AP4S1: variants seen among roughly 807,000 people sequenced by gnomAD.
AP4S1 encodes the protein adaptor related protein complex 4 subunit sigma 1.
Under a neutral mutation model 19.8 loss-of-function variants are expected in AP4S1, and 23 were observed. The observed-to-expected ratio is 1.16, with a 90% confidence interval of 0.84 to 1.65. The LOEUF (loss-of-function observed/expected upper bound fraction) is 1.65. Ranked by LOEUF, AP4S1 falls within the 40% of genes most tolerant of loss-of-function variation. The pLI is 0.00. For synonymous variants in AP4S1, 46 were observed against 54.1 expected (o/e 0.85, Z 0.66); for missense variants, 166 against 172.8 (o/e 0.96, Z 0.22).
At chr14:31,068,779 A>G (rs1460606629) in intron 2 of AP4S1, among the ~76,000 whole-genome samples, 1 of 152,092 alleles carries the variant, frequency 6.6e-6, no homozygotes, top group Non-Finnish European at 1.5e-5. Context: ...GCATAATAGC[A>G]GCTTAGTTTT....
At chr14:31,076,938 T>C (rs775932227) in intron 4 of AP4S1, among the ~76,000 whole-genome samples, 4 of 152,348 alleles carry the variant, frequency 2.6e-5, no homozygotes, top group Non-Finnish European at 5.9e-5. Context: ...CTTTTTATTT[T>C]TATTTTTTTT....
At chr14:31,065,069 C>T (rs908287830) in intron 1 of AP4S1, among the ~76,000 whole-genome samples, 1 of 152,164 alleles carries the variant, frequency 6.6e-6, no homozygotes, top group Non-Finnish European at 1.5e-5. Flanking sequence ...ATTGATATCA[C>T]TACTATTATT....
chr14:31,066,748 G>C (rs1224715212), intron 2 of AP4S1, among the ~76,000 whole-genome samples: 1 of 151,894 alleles, frequency 6.6e-6, no homozygotes, highest in Non-Finnish European at 1.5e-5. Context: ...GAATACTGAA[G>C]ACCCATTTTG....
At chr14:31,056,760 C>G (rs1886142594) in intron 1 of AP4S1, among the ~76,000 whole-genome samples, 1 of 152,186 alleles carries the variant, frequency 6.6e-6, no homozygotes, top group Admixed American at 6.5e-5. Flanking sequence ...TCCAAAGCTA[C>G]CTGAAGTTAA....
At chr14:31,074,541 G>T (rs1317967512) in intron 4 of AP4S1, among the ~76,000 whole-genome samples, 3 of 151,968 alleles carry the variant, frequency 2.0e-5, no homozygotes, top group Non-Finnish European at 4.4e-5. Context: ...AATTAGCCAG[G>T]CATGGTGGCG....
At chr14:31,077,131 T>C (rs1462317517) in intron 4 of AP4S1, among the ~76,000 whole-genome samples, 1 of 152,110 alleles carries the variant, frequency 6.6e-6, no homozygotes, top group Non-Finnish European at 1.5e-5. Context: ...GGTTTCTACT[T>C]TTTCCATGTT....
At chr14:31,066,949 T>C (rs1886750066) in intron 2 of AP4S1, among the ~76,000 whole-genome samples, 1 of 152,230 alleles carries the variant, frequency 6.6e-6, no homozygotes, top group Non-Finnish European at 1.5e-5. Flanking sequence ...AAAATGGAGG[T>C]TAAGGCTGGG....
intron 5 of AP4S1, among the ~76,000 whole-genome samples, chr14:31,088,939 C>T (rs137907734): frequency 6.5e-4 from 99 of 151,940 alleles, no homozygotes; most frequent in Non-Finnish European, 9.9e-4. Flanking sequence ...GGCAAAGTGC[C>T]GCACTTCAGC....
chr14:31,067,604 C>T (rs1886793431), intron 2 of AP4S1, among the ~76,000 whole-genome samples: 1 of 151,498 alleles, frequency 6.6e-6, no homozygotes. Flanking sequence ...AACCAACCTC[C>T]ACTTCCCGGG....
At chr14:31,085,840 CTG>C (rs1887899401) in intron 5 of AP4S1, 1 of 984,420 alleles carries the variant, frequency 1.0e-6, no homozygotes, top group African/African-American at 1.7e-5. Flanking sequence ...ATCTCAAAGA[CTG>C]AGCAGTTGAT....
At chr14:31,072,859 G>T in intron 3 of AP4S1, 46 bp from the exon 4 acceptor site, 3 of 1,500,626 alleles carry the variant, frequency 2.0e-6, no homozygotes, top group Non-Finnish European at 1.9e-6. Context: ...TGGTTTACAT[G>T]GGAAGCGACA....
intron 5 of AP4S1, chr14:31,083,423 T>C (rs1355415644): frequency 2.2e-6 from 1 of 452,660 alleles, no homozygotes; most frequent in Non-Finnish European, 4.4e-6. Flanking sequence ...TTGATCTCAC[T>C]TGTACTTCCA....
chr14:31,056,550 G>A (rs1273670409), intron 1 of AP4S1, among the ~76,000 whole-genome samples: 1 of 151,302 alleles, frequency 6.6e-6, no homozygotes, highest in Non-Finnish European at 1.5e-5. Context: ...GTAGAGATGG[G>A]GTTTCGCCAT....
At chr14:31,074,862 T>C (rs923074670) in intron 4 of AP4S1, among the ~76,000 whole-genome samples, 3 of 152,030 alleles carry the variant, frequency 2.0e-5, no homozygotes, top group African/African-American at 4.8e-5. Context: ...GTGATCTATC[T>C]TTTTTTCTTG....
At position 31,025,776 on chromosome 14, in the gene AP4S1, T is replaced by C. The variant is rs1243180499; in HGVS notation, c.-83T>C. The C allele has an allele frequency of 4.6e-6, 6 of 1,310,312 alleles. No homozygotes were observed. Among genetic ancestry groups the C allele is most frequent in the Admixed American group, 2.3e-5 (1 of 42,852 alleles). 81.2% of individuals were successfully genotyped at this position (1,310,312 alleles called of 1,614,324 possible). ...AGCCGTTGAGAGGACCATCACAACCTGAGCAGCACAGGTAGGTTCCGCTCG... is the reference window on the plus strand; with the variant it reads ...AGCCGTTGAGAGGACCATCACAACCCGAGCAGCACAGGTAGGTTCCGCTCG... On this transcript the variant is annotated 5_prime_UTR_variant, in exon 1 of 6. It removes the in-frame stop codon of an upstream open reading frame in the 5' UTR. Coordinates refer to ENST00000542754, the MANE Select transcript of AP4S1 (RefSeq NM_001128126.3).
At chr14:31,081,734 ATGTG>A (rs549123012) in intron 5 of AP4S1, among the ~76,000 whole-genome samples, 9 of 151,308 alleles carry the variant, frequency 5.9e-5, no homozygotes, top group African/African-American at 9.7e-5. Flanking sequence ...ACATGTATTT[ATGTG>A]TGTGTGTGTA....
At chr14:31,030,382 A>G (rs1349409230) in intron 1 of AP4S1, among the ~76,000 whole-genome samples, 1 of 152,018 alleles carries the variant, frequency 6.6e-6, no homozygotes, top group Non-Finnish European at 1.5e-5. Context: ...ATTCCTTTCT[A>G]TTTTTTGTAC....
intron 4 of AP4S1, among the ~76,000 whole-genome samples, chr14:31,075,488 A>G (rs1594698481): frequency 6.6e-6 from 1 of 152,150 alleles, no homozygotes; most frequent in African/African-American, 2.4e-5. Context: ...TACAATAAAC[A>G]TTGGACTGCA....
At chr14:31,029,653 A>G (rs1428942983) in intron 1 of AP4S1, among the ~76,000 whole-genome samples, 1 of 152,122 alleles carries the variant, frequency 6.6e-6, no homozygotes, top group African/African-American at 2.4e-5. Context: ...CCCTGTCCCT[A>G]CCAAAAATAC....
Sources: allele counts gnomAD v4.1 joint callset (sites outside exome capture counted in the v4.1 genomes callset), GRCh38; gene constraint gnomAD v4.1.1; transcripts MANE v1.5; gene names NCBI Gene and HGNC (gene_info 2026-07-23, HGNC 2026-07-21).